The following TTLL1 variants were observed in gnomAD, a reference collection of about 807,000 sequenced individuals.
The protein encoded by TTLL1 is polyglutamylase complex subunit TTLL1.
A neutral mutation model predicts 47.8 loss-of-function variants in TTLL1; 33 were observed. That is an observed-to-expected ratio of 0.69 (90% CI 0.52 to 0.92). The LOEUF (loss-of-function observed/expected upper bound fraction) is 0.92, where lower values mean the gene tolerates loss of function less well. Among genes scored for constraint, TTLL1 ranks in the 40% least tolerant of loss-of-function variants. The probability of loss-of-function intolerance (pLI) is 0.00; values close to 1 mark genes in which losing one functional copy is unlikely to be tolerated. For synonymous variants in TTLL1, 225 were observed against 214.1 expected, an observed-to-expected ratio of 1.05 and a Z score of -0.45; for missense variants, 488 against 547.5, an observed-to-expected ratio of 0.89 and a Z score of 1.08.
chr22:43,081,396 T>C (rs1928877684), intron 1 of TTLL1, among the ~76,000 whole-genome samples: 1 of 152,104 alleles, frequency 6.6e-6, no homozygotes, highest in Non-Finnish European at 1.5e-5. Context: ...GACTCTGCTT[T>C]TGACAGTCGC....
At chr22:43,045,646 C>G (rs553687241) in intron 10 of TTLL1, among the ~76,000 whole-genome samples, 2 of 152,108 alleles carry the variant, frequency 1.3e-5, no homozygotes, top group South Asian at 4.2e-4. Context: ...AACTGAGGCT[C>G]AAACAGTTGC....
intron 3 of TTLL1, among the ~76,000 whole-genome samples, chr22:43,070,540 C>A (rs568631747): frequency 6.6e-6 from 1 of 152,248 alleles, no homozygotes; most frequent in African/African-American, 2.4e-5. Flanking sequence ...CTACCCCCAC[C>A]CCACAGCACC....
chr22:43,088,568 C>T (rs1432224810), intron 1 of TTLL1, among the ~76,000 whole-genome samples: 2 of 151,142 alleles, frequency 1.3e-5, no homozygotes, highest in African/African-American at 4.9e-5. Context: ...TGGTCTCGAT[C>T]TCCTGACCTC....
chr22:43,059,819 A>AGGTG, intron 7 of TTLL1, among the ~76,000 whole-genome samples: 1 of 152,082 alleles, frequency 6.6e-6, no homozygotes. Flanking sequence ...CCTCTCAAGT[A>AGGTG]ACTGGGACTA....
chr22:43,069,405 A>C (rs1927963366), intron 4 of TTLL1, among the ~76,000 whole-genome samples: 2 of 150,788 alleles, frequency 1.3e-5, no homozygotes, highest in Non-Finnish European at 3.0e-5. Flanking sequence ...AAAAAAAAAA[A>C]AAAAACGCCA....
At chr22:43,088,573 G>A (rs1363916561) in intron 1 of TTLL1, among the ~76,000 whole-genome samples, 1 of 150,946 alleles carries the variant, frequency 6.6e-6, no homozygotes, top group Admixed American at 6.6e-5. Context: ...TCGATCTCCT[G>A]ACCTCGTGAT....
At chr22:43,040,485 A>G (rs1014162478) in intron 10 of TTLL1, among the ~76,000 whole-genome samples, 1 of 152,048 alleles carries the variant, frequency 6.6e-6, no homozygotes, top group African/African-American at 2.4e-5. Flanking sequence ...TCACTCTATC[A>G]CCAAGGCTGG....
chr22:43,041,736 G>A (rs1469511259), intron 10 of TTLL1, among the ~76,000 whole-genome samples: 1 of 151,942 alleles, frequency 6.6e-6, no homozygotes, highest in African/African-American at 2.4e-5. Context: ...GACTGGCCTC[G>A]AACCCCTGAG....
chr22:43,048,247 G>A (rs943985730), intron 9 of TTLL1, among the ~76,000 whole-genome samples: 8 of 151,844 alleles, frequency 5.3e-5, no homozygotes, highest in East Asian at 1.9e-4. Context: ...AACCCGGGAG[G>A]TGGAGGTTGC....
At chr22:43,040,882 C>T (rs895836444) in intron 10 of TTLL1, among the ~76,000 whole-genome samples, 2 of 152,328 alleles carry the variant, frequency 1.3e-5, no homozygotes, top group South Asian at 2.1e-4. Flanking sequence ...GCTCCCCAGA[C>T]GGGGTGGTCA....
At position 43,070,025 on chromosome 22, in the gene TTLL1, G is replaced by A. The variant is rs973576370; in HGVS notation, c.114-181C>T. ...GCAGAGAATGGGTGCCCAGGGACAG[G>A]CCGGGACCCAAGTGGTGTGAGGGCC... On this transcript the variant is annotated intron_variant, in intron 3 of 10. Transcript: ENST00000266254. 20 of 1,207,196 alleles carry A rather than the reference G, an allele frequency of 1.7e-5. No individual in the cohort carries two copies. In the African/African-American group the frequency reaches 2.5e-4, roughly 15 times the overall value. The allele number at this position is 1,207,196 out of a possible 1,614,324, so 74.8% of individuals were successfully genotyped here. A position where few individuals can be genotyped will look rare whatever the true frequency, so the allele number is the denominator to read the frequency against.
chr22:43,045,825 G>A (rs1349064478), intron 10 of TTLL1, among the ~76,000 whole-genome samples: 1 of 151,946 alleles, frequency 6.6e-6, no homozygotes, highest in African/African-American at 2.4e-5. Flanking sequence ...CACCCAGCCT[G>A]CTCCAGCTAT....
At chr22:43,055,873 C>G (rs889751352) in intron 8 of TTLL1, among the ~76,000 whole-genome samples, 1 of 151,764 alleles carries the variant, frequency 6.6e-6, no homozygotes, top group South Asian at 2.1e-4. Context: ...AAGACAAGGC[C>G]TTAATTTTCC....
chr22:43,039,581 A>T lies in TTLL1; in HGVS notation c.*195T>A. On this transcript the variant is annotated 3_prime_UTR_variant, in exon 11 of 11. Transcript: ENST00000266254. ...TTAGGTTAAAAATTAAAAAAAAAAGAGCGAGTTTTATACATCCGCATGAAT... is the reference window on the plus strand; with the variant it reads ...TTAGGTTAAAAATTAAAAAAAAAAGTGCGAGTTTTATACATCCGCATGAAT... The T allele has an allele frequency of 5.8e-6, 3 of 518,636 alleles. No homozygotes were observed. The highest frequency in any genetic ancestry group is 8.6e-6 in the Non-Finnish European group (3 of 350,486). 32.1% of individuals were successfully genotyped at this position (518,636 alleles called of 1,614,324 possible).
At chr22:43,076,004 G>A (rs1928459782) in intron 2 of TTLL1, among the ~76,000 whole-genome samples, 1 of 152,190 alleles carries the variant, frequency 6.6e-6, no homozygotes, top group East Asian at 1.9e-4. Context: ...GGCTCTGAGA[G>A]CCGCAGACAG....
chr22:43,081,051 G>A lies in TTLL1; in HGVS notation c.-89-1065C>T, dbSNP rs985960984. Among the ~76,000 whole-genome samples, 19 of 151,596 alleles carry A rather than the reference G, an allele frequency of 1.3e-4. 1 individual carries two copies. The highest frequency in any genetic ancestry group is 9.2e-4 in the Admixed American group (14 of 15,154). On this transcript the variant is annotated intron_variant, in intron 1 of 10. Transcript: ENST00000266254. ...CTGCCTCAGCCTCTGGAGTAGCTGG[G>A]ATTACAGGAGCCCATCACCACGCCT...
Position 43,059,516 on chromosome 22 carries a change from G to A in TTLL1, c.759C>T (p.Asn253=). Residue 253 remains asparagine (N), a synonymous_variant, in exon 8 of 11, where the codon AAC becomes AAT. Coordinates refer to ENST00000266254, the MANE Select transcript of TTLL1 (RefSeq NM_012263.5). ...CTGTCCACTTGCCCCCATGGATGTG[G>A]TTGTAGTCCTCCTGGTGACGGGAAA... ...VAIQKHGEDY[N]HIHGGKWTVS... 1 of 1,613,288 alleles carries A rather than the reference G, an allele frequency of 6.2e-7. No homozygotes were observed. Among genetic ancestry groups the A allele is most frequent in the African/African-American group, 1.3e-5 (1 of 75,006 alleles).
At chr22:43,045,677 C>T (rs1168736524) in intron 10 of TTLL1, among the ~76,000 whole-genome samples, 2 of 152,002 alleles carry the variant, frequency 1.3e-5, no homozygotes, top group Non-Finnish European at 2.9e-5. Context: ...TCCCTGTCAC[C>T]CAGCTCTATG....
intron 3 of TTLL1, among the ~76,000 whole-genome samples, 186 bp downstream of exon 3, chr22:43,075,288 C>T (rs1345601098): frequency 1.3e-5 from 2 of 152,166 alleles, no homozygotes; most frequent in African/African-American, 4.8e-5. Context: ...CCAGGGTGAA[C>T]ACAGTGATGT....
Sources: allele counts gnomAD v4.1 joint callset (sites outside exome capture counted in the v4.1 genomes callset), GRCh38; gene constraint gnomAD v4.1.1; transcripts MANE v1.5; gene names NCBI Gene and HGNC (gene_info 2026-07-23, HGNC 2026-07-21).